MYBL1: variants seen among roughly 807,000 people sequenced by gnomAD.
The protein encoded by MYBL1 is MYB proto-oncogene like 1.
Under a neutral mutation model 96.3 loss-of-function variants are expected in MYBL1, and 17 were observed. That is an observed-to-expected ratio of 0.18 (90% CI 0.12 to 0.26). The LOEUF (loss-of-function observed/expected upper bound fraction) is 0.26, where lower values mean the gene tolerates loss of function less well. MYBL1 is among the 10% of genes least tolerant of loss of function. MYBL1 has a pLI of 1.00. For synonymous variants in MYBL1, 282 were observed against 292.7 expected (o/e 0.96, Z 0.37); for missense variants, 701 against 882.9 (o/e 0.79, Z 2.61).
intron 8 of MYBL1, among the ~76,000 whole-genome samples, chr8:66,585,351 C>T (rs1425458004): frequency 6.6e-6 from 1 of 151,952 alleles, no homozygotes; most frequent in East Asian, 1.9e-4. Context: ...TATCTCTCAC[C>T]ATATTAAAAA....
At chr8:66,576,413 A>G in intron 9 of MYBL1, 38 bp from the exon 10 acceptor site, 1 of 1,549,120 alleles carries the variant, frequency 6.5e-7, no homozygotes, top group Non-Finnish European at 8.7e-7. Flanking sequence ...TTAATGCTGT[A>G]ACCTAGTTAA....
At chr8:66,587,692 A>G (rs1473611084) in intron 8 of MYBL1, among the ~76,000 whole-genome samples, 1 of 152,108 alleles carries the variant, frequency 6.6e-6, no homozygotes, top group Non-Finnish European at 1.5e-5. Context: ...TGTGGTTTGG[A>G]GGGAACTCCA....
intron 8 of MYBL1, among the ~76,000 whole-genome samples, chr8:66,585,940 T>C (rs541437573): frequency 5.9e-5 from 9 of 151,850 alleles, no homozygotes; most frequent in East Asian, 3.9e-4. Context: ...GGAGAAAATA[T>C]TTGCAAACTA....
intron 3 of MYBL1, among the ~76,000 whole-genome samples, chr8:66,600,180 T>C (rs1249709969): frequency 6.6e-6 from 1 of 152,212 alleles, no homozygotes; most frequent in Non-Finnish European, 1.5e-5. Flanking sequence ...GTCCAGAACC[T>C]GGTAACTCCT....
chr8:66,566,864 C>T lies in MYBL1; in HGVS notation c.1845+12G>A, dbSNP rs780013449. The T allele has an allele frequency of 1.9e-6, 3 of 1,596,446 alleles. No homozygotes were observed. The highest frequency in any genetic ancestry group is 2.2e-5 in the South Asian group (2 of 90,496). On this transcript the variant is annotated intron_variant, in intron 13 of 15. Coordinates refer to ENST00000522677, the MANE Select transcript of MYBL1 (RefSeq NM_001080416.4). ...AATAAGACTTTTATTAACAATAATA[C>T]TAGAAGATTACCTCTTGTTTGCAGC...
intron 10 of MYBL1, among the ~76,000 whole-genome samples, chr8:66,575,665 C>G (rs1388351400): frequency 1.3e-5 from 2 of 152,042 alleles, no homozygotes; most frequent in Non-Finnish European, 2.9e-5. Flanking sequence ...TGGCACGCAT[C>G]TATAGTCCAG....
intron 8 of MYBL1, among the ~76,000 whole-genome samples, chr8:66,589,582 G>A (rs995456548): frequency 3.9e-5 from 6 of 152,092 alleles, no homozygotes; most frequent in East Asian, 3.9e-4. Flanking sequence ...CCAGGCTCAA[G>A]TGATCCTTCT....
chr8:66,571,892 GAA>G (rs143350017), intron 12 of MYBL1, among the ~76,000 whole-genome samples: 11,753 of 150,388 alleles, frequency 0.078, 939 homozygotes, highest in African/African-American at 0.19. Context: ...AAAAAAAAAG[GAA>G]AAAGGAAAAG....
At chr8:66,573,957 T>TATA (rs1301134244) in intron 10 of MYBL1, among the ~76,000 whole-genome samples, 1 of 148,608 alleles carries the variant, frequency 6.7e-6, no homozygotes, top group African/African-American at 2.6e-5. Context: ...TAATTTAGAA[T>TATA]ATAATAATAA....
chr8:66,606,254 T>C (rs1369556732), intron 1 of MYBL1, among the ~76,000 whole-genome samples: 1 of 152,232 alleles, frequency 6.6e-6, no homozygotes, highest in Non-Finnish European at 1.5e-5. Context: ...ACCTACCTTA[T>C]AGTGCTGCTT....
intron 7 of MYBL1, among the ~76,000 whole-genome samples, chr8:66,592,809 A>G (rs1222318310): frequency 6.6e-6 from 1 of 152,106 alleles, no homozygotes; most frequent in African/African-American, 2.4e-5. Context: ...GTATGTCTGA[A>G]ATATTTTATA....
At position 66,602,420 on chromosome 8, in the gene MYBL1, C is replaced by T. The variant is rs780243831; in HGVS notation, c.124G>A (p.Glu42Lys). The T allele has an allele frequency of 6.3e-7, 1 of 1,578,104 alleles. No individual in the cohort carries two copies. The highest frequency in any genetic ancestry group is 1.8e-5 in the Admixed American group (1 of 55,164). The change falls in exon 2 of 16, where the codon GAG (glutamate) becomes AAG (lysine). Residue 42 changes from glutamate to lysine, a missense_variant and splice_region_variant. Glu to Lys is a moderately conservative substitution (Grantham distance 56). Coordinates refer to ENST00000522677, the MANE Select transcript of MYBL1 (RefSeq NM_001080416.4). ...LWNRVKWTRD[E>K]DDKLKKLVEQ... ...ATGAAACCTTGTCAGATAATTACCT[C>T]GTCCCTTGTCCATTTTACTCTGTTC...
At chr8:66,594,884 T>C (rs1218910235) in intron 6 of MYBL1, among the ~76,000 whole-genome samples, 1 of 152,178 alleles carries the variant, frequency 6.6e-6, no homozygotes, top group East Asian at 1.9e-4. Flanking sequence ...AACTACTAAG[T>C]CCTGACTTAA....
chr8:66,580,468 T>C (rs1003939585), intron 8 of MYBL1, 102 bp from the exon 9 acceptor site: 50 of 738,068 alleles, frequency 6.8e-5, no homozygotes, highest in Admixed American at 1.4e-4. Flanking sequence ...TAGTAGCAAA[T>C]ATTTTGTCTT....
Position 66,602,478 on chromosome 8 carries a change from TTCATAA to T in MYBL1, c.60_65del (p.Asp20_Tyr21del). On this transcript the variant is annotated inframe_deletion, in exon 2 of 16. Transcript: ENST00000522677. The stretch of plus-strand genomic sequence containing the variant: ...TCTTCAGTCCTTTTTGTTGTGGTAC[TTCATAA>T]TCATGATCGGCATACTGAAGGTCAT... 1 of 1,609,460 alleles carries T rather than the reference TTCATAA, an allele frequency of 6.2e-7. No homozygotes were observed. Among genetic ancestry groups the T allele is most frequent in the Non-Finnish European group, 8.5e-7 (1 of 1,177,218 alleles).
chr8:66,593,335 TATA>T, intron 6 of MYBL1, 141 bp from the exon 7 acceptor site: 1 of 503,312 alleles, frequency 2.0e-6, no homozygotes, highest in South Asian at 3.5e-5. Context: ...ATGTTATACC[TATA>T]ATACTTTCTT....
chr8:66,573,248 C>A, intron 11 of MYBL1, 116 bp downstream of exon 11: 2 of 1,044,666 alleles, frequency 1.9e-6, no homozygotes, highest in Non-Finnish European at 2.6e-6. Context: ...AAAAAAAATT[C>A]TAAGTCCTGT....
chr8:66,578,565 A>C (rs1361783749), intron 9 of MYBL1, among the ~76,000 whole-genome samples: 2 of 151,088 alleles, frequency 1.3e-5, no homozygotes, highest in Admixed American at 6.6e-5. Context: ...GGCAATCATT[A>C]AAAAGTCAGG....
chr8:66,612,715 C>T, intron 1 of MYBL1, 104 bp downstream of exon 1: 2 of 1,267,050 alleles, frequency 1.6e-6, no homozygotes, highest in Non-Finnish European at 2.0e-6. Flanking sequence ...AAAACCTCTG[C>T]CCTCGCCAGG....
Sources: gnomAD v4.1 joint callset for allele counts (sites outside exome capture counted in the v4.1 genomes callset) on GRCh38, gnomAD v4.1.1 for gene constraint, MANE v1.5 for transcripts, NCBI Gene and HGNC (gene_info 2026-07-23, HGNC 2026-07-21) for gene names.